The following DIXDC1 variants were observed in gnomAD, a reference collection of about 807,000 sequenced individuals.
The protein encoded by DIXDC1 is DIX domain containing 1.
In DIXDC1, 64 loss-of-function variants were observed where a neutral mutation model predicts 103.1. The ratio of observed to expected loss-of-function variants is 0.62; its 90% CI spans 0.51 to 0.76. The LOEUF (loss-of-function observed/expected upper bound fraction) is 0.76. DIXDC1 is among the 30% of genes least tolerant of loss of function. DIXDC1 has a pLI of 0.00. For synonymous variants in DIXDC1, 266 were observed against 298.5 expected, an observed-to-expected ratio of 0.89 and a Z score of 1.12; for missense variants, 759 against 834.2, an observed-to-expected ratio of 0.91 and a Z score of 1.11.
chr11:111,931,722 C>T (rs1179596013), intron 2 of DIXDC1, among the ~76,000 whole-genome samples: 1 of 152,170 alleles, frequency 6.6e-6, no homozygotes, highest in East Asian at 1.9e-4. Context: ...TTACCTCGTA[C>T]AACAATTGTA....
chr11:111,947,385 T>C (rs1413200858), intron 1 of DIXDC1, among the ~76,000 whole-genome samples: 1 of 152,128 alleles, frequency 6.6e-6, no homozygotes, highest in Non-Finnish European at 1.5e-5. Flanking sequence ...AGCCCTAATA[T>C]ATTGTTCAAA....
intron 1 of DIXDC1, among the ~76,000 whole-genome samples, chr11:111,960,526 G>A (rs1555170996): frequency 6.6e-6 from 1 of 151,170 alleles, no homozygotes; most frequent in Non-Finnish European, 1.5e-5. Flanking sequence ...CCCGGGAGGC[G>A]GAGGTTGCAG....
chr11:111,936,899 G>A (rs986950311), upstream of DIXDC1, among the ~76,000 whole-genome samples: 2 of 148,064 alleles, frequency 1.4e-5, no homozygotes, highest in Non-Finnish European at 3.0e-5. Context: ...CCTCCCCACG[G>A]GCACACCCGC....
At chr11:111,934,613 A>G (rs6589255), upstream of DIXDC1, among the ~76,000 whole-genome samples, 7,704 of 152,242 alleles carry the variant, frequency 0.051, 667 homozygotes, top group African/African-American at 0.17. Flanking sequence ...TTATGTTGAT[A>G]TTACAACATG....
intron 1 of DIXDC1, among the ~76,000 whole-genome samples, chr11:111,949,915 T>C (rs782086179): frequency 4.6e-5 from 7 of 152,310 alleles, no homozygotes; most frequent in African/African-American, 2.4e-5. Context: ...TCTGCATAAA[T>C]AGCTTTTTTT....
chr11:111,987,224 T>G (rs1403480798), intron 9 of DIXDC1, among the ~76,000 whole-genome samples: 1 of 150,674 alleles, frequency 6.6e-6, no homozygotes, highest in Non-Finnish European at 1.5e-5. Context: ...CACCCCAGCC[T>G]GGGCAACAAA....
chr11:111,975,614 T>C (rs2137536912), intron 5 of DIXDC1: 1 of 986,080 alleles, frequency 1.0e-6, no homozygotes, highest in East Asian at 1.1e-4. Flanking sequence ...TACTGGCTCA[T>C]GTAAATTGTG....
At position 112,005,216 on chromosome 11, in the gene DIXDC1, G is replaced by A. The variant is rs587742337; in HGVS notation, c.1756+9070G>A. Among the ~76,000 whole-genome samples the A allele has an allele frequency of 3.9e-5, 6 of 152,192 alleles. No individual in the cohort carries two copies. The South Asian group carries it at 1.2e-3, about 32-fold the overall frequency. The stretch of plus-strand genomic sequence containing the variant: ...ATATAAATGGATTTAAAAGTAAAAA[G>A]ATGGATAAAGATATACCATGGAAAC... On this transcript the variant is annotated intron_variant, in intron 17 of 19. Transcript: ENST00000440460.
chr11:111,960,581 T>A, intron 1 of DIXDC1, among the ~76,000 whole-genome samples: 2 of 134,134 alleles, frequency 1.5e-5, no homozygotes, highest in East Asian at 2.2e-4. Flanking sequence ...GAGACAAGAG[T>A]GAAACTCTGT....
rs1555177932 is a variant in DIXDC1, at chr11:112,017,834, C to A, written c.1920C>A (p.His640Gln). ...CAGCTATTGATCGGGAAGGAAATCA[C>A]CGGTATCACTTCAAAGCACTGGATC... is the stretch of plus-strand genomic sequence containing the variant. ...FKAAIDREGN[H>Q]RYHFKALDPE... Residue 640 changes from histidine (H) to glutamine (Q), a missense_variant, in exon 19 of 20, where the codon CAC becomes CAA. His to Gln is a conservative substitution (Grantham distance 24, BLOSUM62 0). Transcript: ENST00000440460. The surrounding 1 kb of genome is among the most constrained non-coding windows in gnomAD (Gnocchi z 4.0). 1 of 1,611,842 alleles carries A rather than the reference C, an allele frequency of 6.2e-7. No individual in the cohort carries two copies. The highest frequency in any genetic ancestry group is 8.5e-7 in the Non-Finnish European group (1 of 1,178,816).
chr11:111,968,607 A>G lies in DIXDC1; in HGVS notation c.285A>G (p.Lys95=). 6.2e-7 allele frequency: 1 copy of G among 1,611,394 alleles called. No homozygotes were observed. The highest frequency in any genetic ancestry group is 8.5e-7 in the Non-Finnish European group (1 of 1,178,690). The stretch of plus-strand genomic sequence containing the variant: ...AAGTGCTACAGTTTGTGGCCTCTAA[A>G]AAGATTCGTATGCACCAGACTTCGG... The part of the protein sequence containing the change: ...VEKVLQFVAS[K]KIRMHQTSAK... Residue 95 remains lysine (K), a synonymous_variant, in exon 3 of 20, where the codon AAA becomes AAG. Coordinates refer to ENST00000440460, the MANE Select transcript of DIXDC1 (RefSeq NM_001037954.4).
chr11:111,974,209 A>G lies in DIXDC1; in HGVS notation c.503A>G (p.His168Arg), dbSNP rs1293207529. The change falls in exon 4 of 20, where the codon CAT (histidine) becomes CGT (arginine). Residue 168 changes from histidine (H) to arginine (R), a missense_variant. This residue lies in a region of DIXDC1 where 657 missense variants were observed against 727.5 expected (regional missense o/e 0.90). Transcript: ENST00000440460. ...GAAAALADVC[H>R]DMSRSGRDVF... is the part of the protein sequence containing the mutation. ...GCTGCTGCTCTGGCCGATGTGTGTC[A>G]TGACATGTCCCGATCAGGACGGGAT... The G allele has an allele frequency of 1.2e-6, 2 of 1,613,854 alleles. No individual in the cohort carries two copies. The highest frequency in any genetic ancestry group is 1.3e-5 in the African/African-American group (1 of 74,928).
chr11:111,998,804 G>A lies in DIXDC1; in HGVS notation c.1756+2658G>A, dbSNP rs920754367. The stretch of plus-strand genomic sequence containing the variant: ...CCACCCCGGCCTCCCAAAGTGCTGG[G>A]ATTACAGGCGTGAGCCACCGCGCCT... On this transcript the variant is annotated intron_variant, in intron 17 of 19. Transcript: ENST00000440460. This position sits in a 1 kb window ranked among gnomAD's most constrained non-coding sequence, Gnocchi z 4.1. 1.3e-5 allele frequency among the ~76,000 whole-genome samples: 2 copies of A among 152,294 alleles called. No individual in the cohort carries two copies. The highest frequency in any genetic ancestry group is 4.2e-4 in the South Asian group (2 of 4,818).
intron 3 of DIXDC1, among the ~76,000 whole-genome samples, chr11:111,969,290 C>T (rs1347842707): frequency 6.6e-6 from 1 of 151,892 alleles, no homozygotes; most frequent in Non-Finnish European, 1.5e-5. Flanking sequence ...GAAGAAATTA[C>T]AATATTGGGA....
chr11:112,013,028 C>T (rs1207134729), intron 17 of DIXDC1, among the ~76,000 whole-genome samples: 3 of 152,124 alleles, frequency 2.0e-5, no homozygotes, highest in East Asian at 1.9e-4. Flanking sequence ...CTCTCTTAAA[C>T]GACGTAAATT....
intron 3 of DIXDC1, among the ~76,000 whole-genome samples, chr11:111,971,164 A>C (rs1344603251): frequency 2.0e-5 from 3 of 152,266 alleles, no homozygotes; most frequent in Admixed American, 2.0e-4. Flanking sequence ...ATAGCAAGAG[A>C]AACTATCAGG....
At chr11:111,927,427 A>G (rs1965860371) in intron 1 of DIXDC1, 1 of 152,560 alleles carries the variant, frequency 6.6e-6, no homozygotes, top group South Asian at 2.1e-4. Context: ...AATATTACCC[A>G]AGTTGATCAT....
chr11:112,003,798 C>CAA (rs59350997), intron 17 of DIXDC1, among the ~76,000 whole-genome samples: 4 of 148,856 alleles, frequency 2.7e-5, no homozygotes, highest in African/African-American at 9.9e-5. Context: ...AGCTCTGTCT[C>CAA]AAAAAAAAAG....
At chr11:111,982,069 G>A (rs1345857607) in intron 6 of DIXDC1, 13 of 267,552 alleles carry the variant, frequency 4.9e-5, no homozygotes, top group Non-Finnish European at 8.4e-5. Context: ...TCTGTGTGGC[G>A]CATACCAAGG....
Sources: gnomAD v4.1 joint callset for allele counts (sites outside exome capture counted in the v4.1 genomes callset) on GRCh38, gnomAD v4.1.1 for gene constraint, gnomAD v4.1.1 regional missense constraint, Gnocchi (gnomAD v3.1) non-coding constraint, MANE v1.5 for transcripts, NCBI Gene and HGNC (gene_info 2026-07-23, HGNC 2026-07-21) for gene names.